The following PIEZO2 variants were observed in gnomAD, a reference collection of about 807,000 sequenced individuals.
The protein encoded by PIEZO2 is piezo-type mechanosensitive ion channel component 2.
Under a neutral mutation model 337.3 loss-of-function variants are expected in PIEZO2, and 172 were observed. The observed-to-expected ratio is 0.51, with a 90% CI of 0.45 to 0.58. The LOEUF (loss-of-function observed/expected upper bound fraction) is 0.58, where lower values mean the gene tolerates loss of function less well. Ranked by LOEUF, PIEZO2 falls within the 20% of genes least tolerant of loss-of-function variation. The probability of loss-of-function intolerance (pLI) is 0.00; values close to 1 mark genes in which losing one functional copy is unlikely to be tolerated. For synonymous variants in PIEZO2, 1,251 were observed against 1,228.5 expected (o/e 1.02, Z -0.38); for missense variants, 3,028 against 3,391.3 (o/e 0.89, Z 2.66).
chr18:10,843,501 C>G (rs1053717742), intron 7 of PIEZO2, among the ~76,000 whole-genome samples: 1 of 152,064 alleles, frequency 6.6e-6, no homozygotes, highest in African/African-American at 2.4e-5. Flanking sequence ...TTGAAAGCAC[C>G]TAAATGTACT....
chr18:10,677,645 G>GA lies in PIEZO2; in HGVS notation c.8081+101dup. 7.4e-7 allele frequency: 1 copy of GA among 1,358,452 alleles called. No individual in the cohort carries two copies. The allele number at this position is 1,358,452 out of a possible 1,614,324, so 84.1% of individuals were successfully genotyped here. ...TAGAAATTAACTTTGTGTTACCAAA[G>GA]AATGAAGTTGCATTCCTCATACACA... is the stretch of plus-strand genomic sequence containing the variant. On this transcript the variant is annotated intron_variant, in intron 53 of 55. Coordinates refer to ENST00000674853, the MANE Select transcript of PIEZO2 (RefSeq NM_001378183.1). This position sits in a 1 kb window ranked among gnomAD's most constrained non-coding sequence, Gnocchi z 4.1.
At chr18:10,960,484 G>C (rs2033719035) in intron 3 of PIEZO2, among the ~76,000 whole-genome samples, 1 of 151,144 alleles carries the variant, frequency 6.6e-6, no homozygotes. Context: ...ATAGACACAG[G>C]GTATCATAAC....
chr18:10,772,052 T>G (rs552063734), intron 20 of PIEZO2, among the ~76,000 whole-genome samples: 3 of 152,204 alleles, frequency 2.0e-5, no homozygotes, highest in Non-Finnish European at 4.4e-5. Flanking sequence ...ATTCTCAATT[T>G]TATTAATAAC....
In PIEZO2 at chr18:10,713,470, T is replaced by C. The variant is rs987682359; in HGVS notation, c.5423+1294A>G. ...CCGTCTCCTATTTCATCTGGAAATA[T>C]ATCCAGCATTTGTGAAGGACAAATA... On this transcript the variant is annotated intron_variant, in intron 39 of 55. Coordinates refer to ENST00000674853, the MANE Select transcript of PIEZO2 (RefSeq NM_001378183.1). This position sits in a 1 kb window ranked among gnomAD's most constrained non-coding sequence, Gnocchi z 4.5. 6.6e-6 allele frequency among the ~76,000 whole-genome samples: 1 copy of C among 152,138 alleles called. No homozygotes were observed. The highest frequency in any genetic ancestry group is 1.5e-5 in the Non-Finnish European group (1 of 68,026).
intron 7 of PIEZO2, among the ~76,000 whole-genome samples, chr18:10,849,540 C>T (rs2041473597): frequency 6.6e-6 from 1 of 152,166 alleles, no homozygotes; most frequent in African/African-American, 2.4e-5. Context: ...CTCAGGGCAC[C>T]ATCTGCATCG....
intron 4 of PIEZO2, among the ~76,000 whole-genome samples, chr18:10,874,720 C>A (rs2042226592): frequency 6.6e-6 from 1 of 152,010 alleles, no homozygotes; most frequent in Non-Finnish European, 1.5e-5. Context: ...GTCAGACACA[C>A]AAAGACAATG....
rs541246580 is a variant in PIEZO2, at chr18:10,850,495, A to G, written c.917+4858T>C. Among the ~76,000 whole-genome samples the G allele has an allele frequency of 6.6e-6, 1 of 152,170 alleles. No individual in the cohort carries two copies. The highest frequency in any genetic ancestry group is 2.1e-4 in the South Asian group (1 of 4,826). On this transcript the variant is annotated intron_variant, in intron 7 of 55. Coordinates refer to ENST00000674853, the MANE Select transcript of PIEZO2 (RefSeq NM_001378183.1). The surrounding 1 kb of genome is among the most constrained non-coding windows in gnomAD (Gnocchi z 4.5). The stretch of plus-strand genomic sequence containing the variant: ...TGGGGTTGCAACTTGCTCATCATTA[A>G]GTTTTGTTTAGATTTAGAAGTAATG...
Position 10,702,082 on chromosome 18 carries a change from G to A in PIEZO2, c.6348C>T (p.Pro2116=). The stretch of plus-strand genomic sequence containing the variant: ...TCTTTTCCACTCCTATGATGTTTGG[G>A]GGGTGATACGGTTTATCTTTGTTCA... ...VEVNKDKPYH[P]PNIIGVEKKE... Residue 2116 remains proline, a synonymous_variant, in exon 43 of 56, where the codon CCC becomes CCT. Transcript: ENST00000674853. 4.6e-6 allele frequency: 7 copies of A among 1,536,904 alleles called. No homozygotes were observed. Among genetic ancestry groups the A allele is most frequent in the Non-Finnish European group, 5.2e-6 (6 of 1,146,800 alleles).
chr18:10,719,173 A>G (rs2036150804), intron 36 of PIEZO2, among the ~76,000 whole-genome samples: 1 of 152,182 alleles, frequency 6.6e-6, no homozygotes, highest in Non-Finnish European at 1.5e-5. Context: ...ATTTGAATGT[A>G]AGATAAACAA....
chr18:10,762,691 C>A, intron 22 of PIEZO2, 66 bp from the exon 23 acceptor site: 1 of 1,497,984 alleles, frequency 6.7e-7, no homozygotes, highest in Non-Finnish European at 8.9e-7. Context: ...CAGGTTATTT[C>A]TTCTTCAGCC....
intron 2 of PIEZO2, among the ~76,000 whole-genome samples, chr18:10,989,874 G>A (rs1321972131): frequency 6.6e-6 from 1 of 152,148 alleles, no homozygotes; most frequent in Non-Finnish European, 1.5e-5. Context: ...GAGTGAAATT[G>A]ATACAGCCTT....
chr18:11,058,447 G>A (rs979438320), intron 2 of PIEZO2, among the ~76,000 whole-genome samples: 2 of 152,210 alleles, frequency 1.3e-5, no homozygotes, highest in Non-Finnish European at 2.9e-5. Context: ...CAAGTTGAGA[G>A]AAGAAGACTT....
chr18:10,784,725 T>A lies in PIEZO2; in HGVS notation c.2492+59A>T. On this transcript the variant is annotated intron_variant, in intron 17 of 55. Transcript: ENST00000674853. This position sits in a 1 kb window ranked among gnomAD's most constrained non-coding sequence, Gnocchi z 4.5. ...TTCTCGCAAGGTGGCCAACCTAAGG[T>A]AGGGTTGAAGAGCTGCCTTCCTGCT... 5 of 1,313,376 alleles carry A rather than the reference T, an allele frequency of 3.8e-6. No individual in the cohort carries two copies. The South Asian group carries it at 6.4e-5, about 17-fold the overall frequency. 81.4% of individuals were successfully genotyped at this position (1,313,376 alleles called of 1,614,324 possible).
chr18:10,744,323 A>T, intron 30 of PIEZO2, 92 bp from the exon 31 acceptor site: 5 of 807,032 alleles, frequency 6.2e-6, no homozygotes, highest in Non-Finnish European at 1.0e-5. Context: ...TAGAAAACAT[A>T]ACATCTCTTA....
intron 3 of PIEZO2, among the ~76,000 whole-genome samples, chr18:10,921,438 C>A (rs1178882665): frequency 1.3e-5 from 2 of 152,106 alleles, no homozygotes; most frequent in Middle Eastern, 3.2e-3. Flanking sequence ...AGTCTCTAAG[C>A]TTAAATTGTA....
At chr18:10,898,014 C>T (rs1200690115) in intron 4 of PIEZO2, among the ~76,000 whole-genome samples, 1 of 152,172 alleles carries the variant, frequency 6.6e-6, no homozygotes, top group Non-Finnish European at 1.5e-5. Context: ...AACATAAAAT[C>T]CTGGCTTACA....
At position 10,775,516 on chromosome 18, in the gene PIEZO2, A is replaced by T. The variant is rs575555181; in HGVS notation, c.2535-1478T>A. ...GTGAATCTTAAAGGTCTACATTGACACTGCTGCAATCTCATACGACAAGAA... is the reference window on the plus strand; with the variant it reads ...GTGAATCTTAAAGGTCTACATTGACTCTGCTGCAATCTCATACGACAAGAA... On this transcript the variant is annotated intron_variant, in intron 18 of 55. Coordinates refer to ENST00000674853, the MANE Select transcript of PIEZO2 (RefSeq NM_001378183.1). The surrounding 1 kb of genome is among the most constrained non-coding windows in gnomAD (Gnocchi z 4.3). Among the ~76,000 whole-genome samples the T allele has an allele frequency of 1.3e-5, 2 of 152,344 alleles. No individual in the cohort carries two copies. Among genetic ancestry groups the T allele is most frequent in the East Asian group, 3.9e-4 (2 of 5,186 alleles).
intron 21 of PIEZO2, among the ~76,000 whole-genome samples, chr18:10,764,974 T>C (rs753067802): frequency 6.6e-6 from 1 of 152,262 alleles, no homozygotes; most frequent in Non-Finnish European, 1.5e-5. Context: ...TTATGTCTGT[T>C]ATTATGTATC....
intron 31 of PIEZO2, among the ~76,000 whole-genome samples, chr18:10,743,939 C>T (rs987999896): frequency 2.6e-5 from 4 of 152,182 alleles, no homozygotes; most frequent in East Asian, 1.9e-4. Context: ...CATGCTGGAG[C>T]GATCTTTCTG....
Sources: gnomAD v4.1 joint callset for allele counts (sites outside exome capture counted in the v4.1 genomes callset) on GRCh38, gnomAD v4.1.1 for gene constraint, Gnocchi (gnomAD v3.1) non-coding constraint, MANE v1.5 for transcripts, NCBI Gene and HGNC (gene_info 2026-07-23, HGNC 2026-07-21) for gene names.